Variants in GORASP2 observed in about 807,000 individuals in gnomAD.
The protein encoded by GORASP2 is Golgi reassembly-stacking protein 2.
A neutral mutation model predicts 45.7 loss-of-function variants in GORASP2; 22 were observed. The ratio of observed to expected loss-of-function variants is 0.48; its 90% CI spans 0.34 to 0.69. The LOEUF (loss-of-function observed/expected upper bound fraction) is 0.69, where lower values mean the gene tolerates loss of function less well. Among genes scored for constraint, GORASP2 ranks in the 30% least tolerant of loss-of-function variants. The probability of loss-of-function intolerance (pLI) is 0.01; values close to 1 mark genes in which losing one functional copy is unlikely to be tolerated. For synonymous variants in GORASP2, 221 were observed against 215.6 expected (o/e 1.02, Z -0.22); for missense variants, 491 against 562.7 (o/e 0.87, Z 1.29).
At chr2:170,964,450 C>T (rs1429318316) in intron 9 of GORASP2, among the ~76,000 whole-genome samples, 2 of 152,134 alleles carry the variant, frequency 1.3e-5, no homozygotes, top group African/African-American at 4.8e-5. Context: ...GTCAGAAGTT[C>T]GAGACCAGCC....
intron 7 of GORASP2, among the ~76,000 whole-genome samples, chr2:170,960,575 GCT>G (rs1704533978): frequency 6.6e-6 from 1 of 152,160 alleles, no homozygotes; most frequent in Admixed American, 6.5e-5. Flanking sequence ...AATCCAAGCT[GCT>G]TTTGTTTTCT....
chr2:170,954,573 G>GC lies in GORASP2; in HGVS notation c.567-69dup, dbSNP rs369296788. The GC allele has an allele frequency of 1.8e-3, 1,828 of 1,014,978 alleles. 2 individuals are homozygous for GC. The highest frequency in any genetic ancestry group is 3.7e-3 in the African/African-American group (225 of 61,472). 62.9% of individuals were successfully genotyped at this position (1,014,978 alleles called of 1,614,324 possible). ...TTGAATCTATGCTCTTGGGTTACCCGCCCCCCCCAAAAAAAACACCTCAAA... is the reference window on the plus strand; with the variant it reads ...TTGAATCTATGCTCTTGGGTTACCCGCCCCCCCCCAAAAAAAACACCTCAAA... On this transcript the variant is annotated intron_variant, in intron 5 of 9. Transcript: ENST00000234160.
At position 170,962,075 on chromosome 2, in the gene GORASP2, C is replaced by T. The variant is rs530557944; in HGVS notation, c.910+326C>T. 3.9e-5 allele frequency among the ~76,000 whole-genome samples: 6 copies of T among 152,316 alleles called. No individual in the cohort carries two copies. The East Asian group carries it at 1.2e-3, about 29-fold the overall frequency. ...TGCAGAAGTCCATTCTCCACTGTCT[C>T]CTTAGTGAGGATTTCCTGGCAGTCA... On this transcript the variant is annotated intron_variant, in intron 8 of 9. Transcript: ENST00000234160.
chr2:170,932,912 A>G (rs569520061), intron 1 of GORASP2, among the ~76,000 whole-genome samples: 2 of 152,358 alleles, frequency 1.3e-5, no homozygotes, highest in South Asian at 4.1e-4. Context: ...CACAGATAGA[A>G]TGCTACACAT....
intron 3 of GORASP2, 166 bp downstream of exon 3, chr2:170,949,908 T>A: frequency 3.3e-6 from 2 of 604,316 alleles, no homozygotes; most frequent in South Asian, 2.2e-5. Flanking sequence ...AATTTTTTTT[T>A]AAGTTGAGGA....
At chr2:170,940,830 A>G (rs1326117128) in intron 1 of GORASP2, among the ~76,000 whole-genome samples, 5 of 152,060 alleles carry the variant, frequency 3.3e-5, no homozygotes, top group Non-Finnish European at 5.9e-5. Context: ...CAGATTTTCT[A>G]TTGTGATATT....
intron 1 of GORASP2, among the ~76,000 whole-genome samples, chr2:170,936,327 A>G (rs1328543567): frequency 2.7e-5 from 4 of 150,342 alleles, no homozygotes; most frequent in Non-Finnish European, 4.4e-5. Context: ...CCTGGGCTCA[A>G]TTAATCCTTT....
At chr2:170,963,467 T>TCCTCCC (rs1559316821) in intron 9 of GORASP2, among the ~76,000 whole-genome samples, 2 of 95,104 alleles carry the variant, frequency 2.1e-5, no homozygotes, top group Non-Finnish European at 4.2e-5. Context: ...CTCCTCCTCC[T>TCCTCCC]CCTCCCCCTC....
At chr2:170,929,463 G>A (rs1703759458) in intron 1 of GORASP2, 60 bp downstream of exon 1, 5 of 1,247,068 alleles carry the variant, frequency 4.0e-6, no homozygotes, top group Non-Finnish European at 5.2e-6. Context: ...GCCGCGGGGA[G>A]GCGGAGGCCC....
intron 5 of GORASP2, 114 bp from the exon 6 acceptor site, chr2:170,954,536 G>T (rs914169980): frequency 1.3e-6 from 1 of 747,828 alleles, no homozygotes; most frequent in African/African-American, 1.8e-5. Context: ...GGGAGTGCAT[G>T]TTCAGGGCAA....
At chr2:170,941,767 G>A (rs1410432548) in intron 1 of GORASP2, among the ~76,000 whole-genome samples, 1 of 152,136 alleles carries the variant, frequency 6.6e-6, no homozygotes, top group Admixed American at 6.5e-5. Flanking sequence ...TGTTGATGGG[G>A]ATTTTTGTAG....
chr2:170,952,427 G>A (rs1375809953), intron 5 of GORASP2, among the ~76,000 whole-genome samples: 2 of 152,094 alleles, frequency 1.3e-5, no homozygotes, highest in Non-Finnish European at 2.9e-5. Flanking sequence ...TGGTCTTTTT[G>A]TGCTTCTGTT....
chr2:170,936,619 T>C (rs1384966808), intron 1 of GORASP2: 2 of 1,298,570 alleles, frequency 1.5e-6, no homozygotes, highest in Non-Finnish European at 2.0e-6. Flanking sequence ...GTTCTCTCTT[T>C]TAAGCATCAA....
At chr2:170,936,820 T>C (rs1703970172) in intron 1 of GORASP2, 4 of 381,500 alleles carry the variant, frequency 1.0e-5, no homozygotes, top group Non-Finnish European at 1.6e-5. Flanking sequence ...ACCAAGGACT[T>C]TGAGGCTGCA....
chr2:170,950,020 ATAT>A (rs1176854916), intron 3 of GORASP2, 181 bp from the exon 4 acceptor site: 6 of 528,962 alleles, frequency 1.1e-5, no homozygotes, highest in African/African-American at 1.9e-5. Flanking sequence ...TATTTGTTAA[ATAT>A]TATGTAATTT....
At chr2:170,958,284 A>T (rs573823401) in intron 7 of GORASP2, among the ~76,000 whole-genome samples, 2 of 152,210 alleles carry the variant, frequency 1.3e-5, no homozygotes, top group African/African-American at 4.8e-5. Context: ...TTCCAGCTTT[A>T]TCGATAAATA....
At chr2:170,946,653 C>T (rs1034590926) in intron 1 of GORASP2, among the ~76,000 whole-genome samples, 5 of 151,258 alleles carry the variant, frequency 3.3e-5, no homozygotes, top group Non-Finnish European at 7.4e-5. Context: ...GACTTTTGGC[C>T]GGATGCAGTG....
At position 170,966,543 on chromosome 2, in the gene GORASP2, C is replaced by G. The variant is rs1325708395; in HGVS notation, c.*413C>G. ...TTTCTTGTACTTTGTAAGTCGTTTG[C>G]GAGAATGCAGACCACCTCACTAAAC... is the stretch of plus-strand genomic sequence containing the variant. On this transcript the variant is annotated 3_prime_UTR_variant, in exon 10 of 10. Transcript: ENST00000234160. 1 of 213,786 alleles carries G rather than the reference C, an allele frequency of 4.7e-6. No individual in the cohort carries two copies. The highest frequency in any genetic ancestry group is 5.3e-5 in the Admixed American group (1 of 18,830). The allele number at this position is 213,786 out of a possible 1,614,324, so 13.2% of individuals were successfully genotyped here.
At chr2:170,936,298 C>T (rs1366362974) in intron 1 of GORASP2, among the ~76,000 whole-genome samples, 2 of 142,534 alleles carry the variant, frequency 1.4e-5, no homozygotes, top group Non-Finnish European at 1.5e-5. Context: ...GTGGTCATGG[C>T]CCACTGCAGC....
Sources: allele counts gnomAD v4.1 joint callset (sites outside exome capture counted in the v4.1 genomes callset), GRCh38; gene constraint gnomAD v4.1.1; transcripts MANE v1.5; gene names NCBI Gene and HGNC (gene_info 2026-07-23, HGNC 2026-07-21).